CREBBP: variants seen among roughly 807,000 people sequenced by gnomAD.
CREBBP encodes the protein CREB binding lysine acetyltransferase, also known as CREB-binding protein.
A neutral mutation model predicts 265.0 loss-of-function variants in CREBBP; 19 were observed. The observed-to-expected ratio is 0.07, with a 90% CI of 0.05 to 0.11. CREBBP has a LOEUF of 0.11. CREBBP is among the 10% of genes least tolerant of loss of function. CREBBP has a pLI of 1.00. For missense variants in CREBBP, 2,525 were observed against 3,219.0 expected, an observed-to-expected ratio of 0.78 and a Z score of 5.22; for synonymous variants, 1,457 against 1,223.7, an observed-to-expected ratio of 1.19 and a Z score of -3.98.
At position 3,879,855 on chromosome 16, in the gene CREBBP, C is replaced by T. The variant is rs1211983012; in HGVS notation, c.62G>A (p.Gly21Asp). The change falls in exon 1 of 31, where the codon GGT becomes GAT. Residue 21 changes from glycine (G) to aspartate (D), a missense_variant. This residue lies in a region of CREBBP where 356 missense variants were observed against 340.4 expected (regional missense o/e 1.05). Transcript: ENST00000262367. ...NPKRAKLSSP[G>D]FSANDSTDFG... ...ACCTGTGCTGTCATTCGCCGAGAAA[C>T]CGGGCGAGCTGAGTTTGGCTCTTTT... 4 of 1,611,796 alleles carry T rather than the reference C, an allele frequency of 2.5e-6. No individual in the cohort carries two copies. Among genetic ancestry groups the T allele is most frequent in the African/African-American group, 1.3e-5 (1 of 74,844 alleles).
rs1042487325 is a variant in CREBBP at position 3,738,624 on chromosome 16, A to G, written c.4329T>C (p.Arg1443=). 1 of 1,614,100 alleles carries G rather than the reference A, an allele frequency of 6.2e-7. No homozygotes were observed. Among genetic ancestry groups the G allele is most frequent in the Non-Finnish European group, 8.5e-7 (1 of 1,179,914 alleles). The change falls in exon 26 of 31, where the codon CGT becomes CGC. Residue 1443 remains arginine (R), a synonymous_variant. Transcript: ENST00000262367. ...YLDSIHFFRP[R]CLRTAVYHEI... is the part of the protein sequence containing the mutation. ...CATGGTAAACGGCTGTGCGGAGGCA[A>G]CGTGGCCGGAAGAAATGAATACTAT...
chr16:3,784,671 G>A (rs1186065356), intron 5 of CREBBP, among the ~76,000 whole-genome samples: 1 of 152,168 alleles, frequency 6.6e-6, no homozygotes, highest in African/African-American at 2.4e-5. Flanking sequence ...GAACTTAAAA[G>A]AAACAAAGTA....
At chr16:3,740,791 T>G in intron 23 of CREBBP, 1 of 563,986 alleles carries the variant, frequency 1.8e-6, no homozygotes, top group Admixed American at 2.7e-5. Context: ...AACCTGCATC[T>G]TTTTCTAACA....
intron 14 of CREBBP, among the ~76,000 whole-genome samples, chr16:3,770,170 T>A (rs2052964899): frequency 6.6e-6 from 1 of 151,948 alleles, no homozygotes; most frequent in African/African-American, 2.4e-5. Context: ...GCGCCCAGCC[T>A]CAATGGAGTT....
At position 3,793,404 on chromosome 16, in the gene CREBBP, C is replaced by A; in HGVS notation, c.1198G>T (p.Ala400Ser). 1 of 1,614,036 alleles carries A rather than the reference C, an allele frequency of 6.2e-7. No individual in the cohort carries two copies. Residue 400 changes from alanine to serine, a missense_variant, in exon 4 of 31, where the codon GCT (alanine) becomes TCT (serine). Around this residue, in one of 19 missense-constraint regions of CREBBP, gnomAD observed 126 missense variants for 171.9 expected, o/e 0.73. Transcript: ENST00000262367. ...CACTTACCTTGGCAGGCTTTCCCAG[C>A]CTGACAATGCGTCATGTGATTCAAA... ...NVLNHMTHCQ[A>S]GKACQVAHCA...
intron 3 of CREBBP, among the ~76,000 whole-genome samples, chr16:3,801,562 C>T (rs552131427): frequency 6.6e-6 from 1 of 152,106 alleles, no homozygotes; most frequent in South Asian, 2.1e-4. Context: ...CCCAGCTACT[C>T]GGGAGGCTGA....
chr16:3,876,638 G>A (rs2055409319), intron 1 of CREBBP, among the ~76,000 whole-genome samples: 1 of 152,130 alleles, frequency 6.6e-6, no homozygotes, highest in Non-Finnish European at 1.5e-5. Flanking sequence ...AAGACCTCAT[G>A]TATGAGAAAG....
At chr16:3,835,576 CTTTTTTTTT>C (rs1021938849) in intron 2 of CREBBP, among the ~76,000 whole-genome samples, 1 of 117,488 alleles carries the variant, frequency 8.5e-6, no homozygotes, top group African/African-American at 3.4e-5. Flanking sequence ...AAGATTTCTT[CTTTTTTTTT>C]TTTTTTTTTT....
chr16:3,807,126 G>A (rs554617020), intron 3 of CREBBP, among the ~76,000 whole-genome samples: 79 of 152,238 alleles, frequency 5.2e-4, no homozygotes, highest in African/African-American at 1.6e-3. Context: ...CTGGGGAGCC[G>A]ACTCCAGCAC....
chr16:3,777,788 C>T (rs1242509995), intron 10 of CREBBP, 131 bp from the exon 11 acceptor site: 9 of 1,169,598 alleles, frequency 7.7e-6, no homozygotes, highest in South Asian at 2.5e-5. Flanking sequence ...TCCAAAAGCA[C>T]GTGTGTTCCA....
chr16:3,760,406 T>G (rs916895663), intron 16 of CREBBP, among the ~76,000 whole-genome samples: 31 of 133,960 alleles, frequency 2.3e-4, no homozygotes, highest in African/African-American at 7.4e-4. Context: ...TTTTTTTTTT[T>G]TTTTTTTTTT....
intron 3 of CREBBP, among the ~76,000 whole-genome samples, chr16:3,795,936 T>C (rs181854998): frequency 2.0e-5 from 3 of 152,346 alleles, no homozygotes; most frequent in Admixed American, 2.0e-4. Context: ...CATATCCCAA[T>C]TTCTCTGGTT....
At chr16:3,794,200 C>T (rs1029068149) in intron 3 of CREBBP, among the ~76,000 whole-genome samples, 10 of 151,702 alleles carry the variant, frequency 6.6e-5, no homozygotes, top group African/African-American at 2.2e-4. Flanking sequence ...GGCGTGGTGG[C>T]GGGTGCCTGT....
chr16:3,844,610 A>T (rs1358643478), intron 2 of CREBBP, among the ~76,000 whole-genome samples: 1 of 152,242 alleles, frequency 6.6e-6, no homozygotes, highest in Non-Finnish European at 1.5e-5. Context: ...CGAGACAGGG[A>T]TGCCTAAGAG....
intron 6 of CREBBP, 103 bp downstream of exon 6, chr16:3,782,581 T>TA: frequency 6.8e-7 from 1 of 1,475,000 alleles, no homozygotes; most frequent in Non-Finnish European, 9.2e-7. Context: ...ACCACCGTAG[T>TA]AAAAAACACA....
intron 16 of CREBBP, among the ~76,000 whole-genome samples, chr16:3,759,824 C>G (rs2052671313): frequency 6.6e-6 from 1 of 152,182 alleles, no homozygotes; most frequent in African/African-American, 2.4e-5. Context: ...GCCTACTACA[C>G]TCTCTGTTTT....
intron 19 of CREBBP, among the ~76,000 whole-genome samples, chr16:3,754,531 G>T (rs1284349776): frequency 2.9e-5 from 1 of 35,012 alleles, no homozygotes; most frequent in Non-Finnish European, 4.3e-5. Context: ...TGCATTTCAG[G>T]GTTGCTATAG....
At chr16:3,745,128 C>A in intron 22 of CREBBP, 149 bp downstream of exon 22, 1 of 926,904 alleles carries the variant, frequency 1.1e-6, no homozygotes, top group Non-Finnish European at 1.7e-6. Context: ...AGCGGACAAA[C>A]GCTTAGAACT....
chr16:3,775,784 T>C (rs2053123368), intron 11 of CREBBP, among the ~76,000 whole-genome samples: 1 of 152,212 alleles, frequency 6.6e-6, no homozygotes, highest in Non-Finnish European at 1.5e-5. Flanking sequence ...ATTCCAATAT[T>C]CTGCTGGTAA....
Sources: gnomAD v4.1 joint callset for allele counts (sites outside exome capture counted in the v4.1 genomes callset) on GRCh38, gnomAD v4.1.1 for gene constraint, gnomAD v4.1.1 regional missense constraint, MANE v1.5 for transcripts, NCBI Gene and HGNC (gene_info 2026-07-23, HGNC 2026-07-21) for gene names.